The following ISOC2 variants were observed in gnomAD, a reference collection of about 807,000 sequenced individuals.
The protein encoded by ISOC2 is isochorismatase domain containing 2, also known as isochorismatase domain-containing protein 2.
ISOC2 carries 15 observed loss-of-function variants against 19.3 expected under a neutral mutation model. The observed-to-expected ratio is 0.78, with a 90% CI of 0.52 to 1.20. The LOEUF (loss-of-function observed/expected upper bound fraction) is 1.20, where lower values mean the gene tolerates loss of function less well. Ranked by LOEUF, ISOC2 falls within the 50% of genes most tolerant of loss-of-function variation. The probability of loss-of-function intolerance (pLI) is 0.00; values close to 1 mark genes in which losing one functional copy is unlikely to be tolerated. For synonymous variants in ISOC2, 106 were observed against 115.8 expected, an observed-to-expected ratio of 0.92 and a Z score of 0.54; for missense variants, 285 against 272.4, an observed-to-expected ratio of 1.05 and a Z score of -0.33.
intron 3 of ISOC2, 106 bp downstream of exon 3, chr19:55,455,530 G>T: frequency 9.3e-7 from 1 of 1,078,988 alleles, no homozygotes; most frequent in African/African-American, 2.0e-5. Flanking sequence ...GGTCAGGATG[G>T]GGGTCCTGCA....
chr19:55,456,637 T>G, intron 1 of ISOC2, 148 bp from the exon 2 acceptor site: 3 of 1,017,670 alleles, frequency 2.9e-6, no homozygotes, highest in Non-Finnish European at 4.2e-6. Flanking sequence ...GTGTCTGCTG[T>G]TCCCCGGGCC....
Position 55,453,228 on chromosome 19 carries a change from G to A in ISOC2, c.*80C>T, listed in dbSNP as rs558134770. On this transcript the variant is annotated 3_prime_UTR_variant, in exon 6 of 6. Transcript: ENST00000425675. ...TCCTGGTGGATCGCACCACTCTTGG[G>A]ATCCAGGGATGGGGGGAACGGGCTT... is the stretch of plus-strand genomic sequence containing the variant. 1.9e-6 allele frequency: 2 copies of A among 1,039,936 alleles called. No homozygotes were observed. Among genetic ancestry groups the A allele is most frequent in the Non-Finnish European group, 2.8e-6 (2 of 715,774 alleles). The allele number at this position is 1,039,936 out of a possible 1,614,324, so 64.4% of individuals were successfully genotyped here.
chr19:55,457,200 C>G (rs904576866), intron 1 of ISOC2: 1 of 154,046 alleles, frequency 6.5e-6, no homozygotes, highest in Non-Finnish European at 1.4e-5. Context: ...ACGGAGCGTG[C>G]GATCCCGTTT....
At position 55,454,512 on chromosome 19, in the gene ISOC2, G is replaced by A. The variant is rs559975770; in HGVS notation, c.537+477C>T. ...GGGGGCCCAGTACCTGGCTGACCCC[G>A]GTAGCAGGGTGGCCAGTGGAGTCTG... On this transcript the variant is annotated intron_variant, in intron 5 of 5. Transcript: ENST00000425675. 20 of 161,828 alleles carry A rather than the reference G, an allele frequency of 1.2e-4. No homozygotes were observed. The South Asian group carries it at 3.2e-3, about 26-fold the overall frequency. The allele number at this position is 161,828 out of a possible 1,614,324, so 10.0% of individuals were successfully genotyped here. A position where few individuals can be genotyped will look rare whatever the true frequency, so the allele number is the denominator to read the frequency against.
chr19:55,456,681 C>T (rs761682016), intron 1 of ISOC2, among the ~76,000 whole-genome samples, 192 bp from the exon 2 acceptor site: 6 of 152,158 alleles, frequency 3.9e-5, no homozygotes, highest in Non-Finnish European at 7.4e-5. Context: ...CTGTCCTATT[C>T]GGCAGGGAGG....
chr19:55,455,083 A>C lies in ISOC2; in HGVS notation c.443T>G (p.Leu148Arg). Residue 148 changes from leucine to arginine, a missense_variant, in exon 5 of 6, where the codon CTG (leucine) becomes CGG (arginine). Physicochemically the swap from Leu to Arg is moderately radical, Grantham distance 102. Transcript: ENST00000425675. ...GGCACCACTCTGTCTCATGCGGGCC[A>C]GAGCCACCAGCCGGTCCACCTGGCT... ...SRSQVDRLVA[L>R]ARMRQSGAFL... is the part of the protein sequence containing the mutation. 2 of 1,590,998 alleles carry C rather than the reference A, an allele frequency of 1.3e-6. No individual in the cohort carries two copies. The highest frequency in any genetic ancestry group is 1.7e-6 in the Non-Finnish European group (2 of 1,167,482).
At chr19:55,458,224 GGTCAGAGCGTCTACGCT>G (rs932776805) in intron 1 of ISOC2, among the ~76,000 whole-genome samples, 29 of 152,254 alleles carry the variant, frequency 1.9e-4, no homozygotes, top group Middle Eastern at 3.4e-3. Flanking sequence ...ACTTCCACTC[GGTCAGAGCGTCTACGCT>G]GTCAGAGCGT....
chr19:55,461,567 A>AC lies in ISOC2; in HGVS notation c.-60dup, dbSNP rs1188911084. ...GCCCCTCTGCAGGTGAGGCGGGGGC[A>AC]CCCTCACCTCTCGGCTCTCGGACGG... On this transcript the variant is annotated 5_prime_UTR_variant, in exon 1 of 6. Coordinates refer to ENST00000425675, the MANE Select transcript of ISOC2 (RefSeq NM_001136201.2). 6.6e-6 allele frequency: 1 copy of AC among 152,088 alleles called. No homozygotes were observed. The highest frequency in any genetic ancestry group is 2.4e-5 in the African/African-American group (1 of 41,370). 9.4% of individuals were successfully genotyped at this position (152,088 alleles called of 1,614,324 possible).
At chr19:55,460,232 C>CT (rs151016239) in intron 1 of ISOC2, among the ~76,000 whole-genome samples, 2,528 of 152,212 alleles carry the variant, frequency 0.017, 29 homozygotes, top group Non-Finnish European at 0.022. Flanking sequence ...CGAGGAAGCT[C>CT]TTTAAGTAAC....
At chr19:55,455,377 T>C in intron 3 of ISOC2, 47 bp from the exon 4 acceptor site, 1 of 1,609,944 alleles carries the variant, frequency 6.2e-7, no homozygotes, top group Non-Finnish European at 8.5e-7. Context: ...AGAACGGGGG[T>C]CCTGGGTAAG....
At position 55,453,086 on chromosome 19, in the gene ISOC2, C is replaced by T. The variant is rs961791678; in HGVS notation, c.*222G>A. 1 of 501,594 alleles carries T rather than the reference C, an allele frequency of 2.0e-6. No individual in the cohort carries two copies. 31.1% of individuals were successfully genotyped at this position (501,594 alleles called of 1,614,324 possible). A position where few individuals can be genotyped will look rare whatever the true frequency, so the allele number is the denominator to read the frequency against. On this transcript the variant is annotated 3_prime_UTR_variant, in exon 6 of 6. Transcript: ENST00000425675. ...CGTGAAGTGGCCCGGGGCCGAGCCC[C>T]GCCTCCATCTTGGCTCAGCCAATTC...
rs202049923 is a variant in ISOC2 at position 55,456,509 on chromosome 19, C to T, written c.-3-20G>A. ...CATTTTCTGGGGGTGGGCAGAGGGA[C>T]GGTGGGTCAGGCCCGAGGGCTCCTC... On this transcript the variant is annotated intron_variant, in intron 1 of 5. Transcript: ENST00000425675. 1.5e-4 allele frequency: 247 copies of T among 1,612,632 alleles called. 1 individual carries two copies. In the Admixed American group the frequency reaches 3.3e-3, roughly 21 times the overall value.
chr19:55,455,821 C>A lies in ISOC2; in HGVS notation c.163G>T (p.Val55Phe). Residue 55 changes from valine to phenylalanine, a missense_variant, in exon 3 of 6, where the codon GTC (valine) becomes TTC (phenylalanine). Physicochemically the swap from Val to Phe is conservative, Grantham distance 50 (BLOSUM62 -1). Transcript: ENST00000425675. ...TGTGGGTACTGCTCCGTCAGCATGA[C>A]TGGCACCTCAAGCAGCCGGGCCACC... is the stretch of plus-strand genomic sequence containing the variant. ...LKVARLLEVP[V>F]MLTEQYPQGL... is the part of the protein sequence containing the mutation. 6.5e-7 allele frequency: 1 copy of A among 1,547,070 alleles called. No individual in the cohort carries two copies. The highest frequency in any genetic ancestry group is 8.7e-7 in the Non-Finnish European group (1 of 1,143,764).
intron 5 of ISOC2, chr19:55,454,436 G>C (rs1985977706): frequency 6.4e-6 from 1 of 156,850 alleles, no homozygotes; most frequent in Admixed American, 6.2e-5. Context: ...GCCTGGGAAT[G>C]TCAAGGTCTG....
At position 55,453,286 on chromosome 19, in the gene ISOC2, T is replaced by C. The variant is rs550133091; in HGVS notation, c.*22A>G. The C allele has an allele frequency of 3.8e-6, 6 of 1,574,332 alleles. No individual in the cohort carries two copies. In the East Asian group the frequency reaches 1.1e-4, roughly 30 times the overall value. Reference sequence around the variant, plus strand: ...GGTCCGGGTGACAGGAGGGTGGTCTTCCCTCAAGGCAGGGTTGGAGTTCAG... The same window carrying C: ...GGTCCGGGTGACAGGAGGGTGGTCTCCCCTCAAGGCAGGGTTGGAGTTCAG... On this transcript the variant is annotated 3_prime_UTR_variant, in exon 6 of 6. Coordinates refer to ENST00000425675, the MANE Select transcript of ISOC2 (RefSeq NM_001136201.2).
At chr19:55,458,434 A>G (rs541572464) in intron 1 of ISOC2, among the ~76,000 whole-genome samples, 2 of 152,288 alleles carry the variant, frequency 1.3e-5, no homozygotes, top group African/African-American at 4.8e-5. Context: ...TTCACCAGGG[A>G]AATGGGAGAC....
chr19:55,455,869 G>T (rs916859327), intron 2 of ISOC2, 24 bp from the exon 3 acceptor site: 2 of 1,356,634 alleles, frequency 1.5e-6, no homozygotes, highest in South Asian at 1.4e-5. Context: ...GGGGAAGAAA[G>T]GTCAGGGTCT....
In ISOC2 at chr19:55,455,827, C is replaced by T; in HGVS notation, c.157G>A (p.Val53Met). The change falls in exon 3 of 6, where the codon GTG (valine) becomes ATG (methionine). Residue 53 changes from valine to methionine, a missense_variant. Physicochemically the swap from Val to Met is conservative, Grantham distance 21 (BLOSUM62 1). Coordinates refer to ENST00000425675, the MANE Select transcript of ISOC2 (RefSeq NM_001136201.2). Reference sequence around the variant, plus strand: ...TACTGCTCCGTCAGCATGACTGGCACCTCAAGCAGCCGGGCCACCTGTGCC... The same window carrying T: ...TACTGCTCCGTCAGCATGACTGGCATCTCAAGCAGCCGGGCCACCTGTGCC... ...RMLKVARLLE[V>M]PVMLTEQYPQ... The T allele has an allele frequency of 6.5e-7, 1 of 1,542,010 alleles. No homozygotes were observed. The highest frequency in any genetic ancestry group is 2.0e-5 in the Admixed American group (1 of 50,758).
intron 3 of ISOC2, 129 bp from the exon 4 acceptor site, chr19:55,455,459 C>A: frequency 9.0e-6 from 12 of 1,326,404 alleles, no homozygotes; most frequent in Non-Finnish European, 1.3e-5. Context: ...GAGGAAGGGG[C>A]CCCCAGGTCA....
Sources: gnomAD v4.1 joint callset for allele counts (sites outside exome capture counted in the v4.1 genomes callset) on GRCh38, gnomAD v4.1.1 for gene constraint, MANE v1.5 for transcripts, NCBI Gene and HGNC (gene_info 2026-07-23, HGNC 2026-07-21) for gene names.